Variants in EXT1 observed in about 807,000 individuals in gnomAD.
EXT1 encodes exostosin-1.
A neutral mutation model predicts 82.5 loss-of-function variants in EXT1; 20 were observed. That is an observed-to-expected ratio of 0.24 (90% confidence interval 0.17 to 0.35). EXT1 has a LOEUF of 0.35. Among genes scored for constraint, EXT1 ranks in the 10% least tolerant of loss-of-function variants. EXT1 has a pLI of 1.00. For synonymous variants in EXT1, 348 were observed against 350.8 expected, an observed-to-expected ratio of 0.99 and a Z score of 0.09; for missense variants, 757 against 936.5, an observed-to-expected ratio of 0.81 and a Z score of 2.50.
At chr8:118,062,289 A>G (rs1295404278) in intron 1 of EXT1, among the ~76,000 whole-genome samples, 1 of 152,226 alleles carries the variant, frequency 6.6e-6, no homozygotes, top group Non-Finnish European at 1.5e-5. Context: ...GAGGCCAAGT[A>G]AGTTTCAATC....
Position 117,980,694 on chromosome 8 carries a change from GGTGGTTTTTTTTT to G in EXT1, c.962+129378_962+129390del, listed in dbSNP as rs1476896928. Among the ~76,000 whole-genome samples the G allele has an allele frequency of 7.2e-4, 89 of 123,408 alleles. 3 individuals are homozygous for G. The highest frequency in any genetic ancestry group is 2.2e-3 in the African/African-American group (78 of 35,618). 81.0% of individuals were successfully genotyped at this position (123,408 alleles called of 152,430 possible). ...GGGAAGGTTTGTTTGTTCGGGTGTT[GGTGGTTTTTTTTT>G]TTTTTTTTTTTTTTTTTTTTTTTTC... On this transcript the variant is annotated intron_variant, in intron 1 of 10. Coordinates refer to ENST00000378204, the MANE Select transcript of EXT1 (RefSeq NM_000127.3).
In EXT1 at chr8:117,799,634, A is replaced by T. The variant is rs1823133427; in HGVS notation, c.*78T>A. The T allele has an allele frequency of 6.6e-7, 1 of 1,517,890 alleles. No individual in the cohort carries two copies. Among genetic ancestry groups the T allele is most frequent in the Non-Finnish European group, 9.1e-7 (1 of 1,093,490 alleles). 94.0% of individuals were successfully genotyped at this position (1,517,890 alleles called of 1,614,324 possible). A position where few individuals can be genotyped will look rare whatever the true frequency, so the allele number is the denominator to read the frequency against. ...TTGGCACAATCTGGCTCTGCTGATGAGTGGATCTGCACTGGGAAGAGAGAG... is the reference window on the plus strand; with the variant it reads ...TTGGCACAATCTGGCTCTGCTGATGTGTGGATCTGCACTGGGAAGAGAGAG... On this transcript the variant is annotated 3_prime_UTR_variant, in exon 11 of 11. Transcript: ENST00000378204.
chr8:117,953,500 G>A (rs748045322), intron 1 of EXT1, among the ~76,000 whole-genome samples: 2 of 151,340 alleles, frequency 1.3e-5, no homozygotes, highest in African/African-American at 2.4e-5. Flanking sequence ...CACCTATCTC[G>A]TATCTAATCT....
chr8:117,903,801 A>T (rs1179289463), intron 1 of EXT1, among the ~76,000 whole-genome samples: 3 of 152,222 alleles, frequency 2.0e-5, no homozygotes, highest in African/African-American at 7.2e-5. Flanking sequence ...CTGGGTTTGA[A>T]AAAACATGAG....
intron 1 of EXT1, among the ~76,000 whole-genome samples, chr8:117,902,305 C>T (rs973984209): frequency 3.3e-5 from 5 of 152,064 alleles, no homozygotes; most frequent in African/African-American, 1.2e-4. Flanking sequence ...AATAAAAAAA[C>T]TATAGTATAG....
At chr8:117,869,106 A>G (rs555568937) in intron 1 of EXT1, among the ~76,000 whole-genome samples, 1 of 152,102 alleles carries the variant, frequency 6.6e-6, no homozygotes, top group Admixed American at 6.5e-5. Flanking sequence ...ACAGGCCCCC[A>G]CCCAGTGTCT....
At chr8:118,098,691 G>A (rs552901600) in intron 1 of EXT1, among the ~76,000 whole-genome samples, 17 of 151,246 alleles carry the variant, frequency 1.1e-4, no homozygotes, top group South Asian at 6.3e-4. Context: ...CCCGGGAGGC[G>A]GAGCGTGCAG....
At position 118,032,115 on chromosome 8, in the gene EXT1, G is replaced by C. The variant is rs572931510; in HGVS notation, c.962+77970C>G. On this transcript the variant is annotated intron_variant, in intron 1 of 10. Coordinates refer to ENST00000378204, the MANE Select transcript of EXT1 (RefSeq NM_000127.3). ...TTGGTGCAAAAGTCATCGCGGTTTT[G>C]GCCATTACTCAATGGCCAAAACCGC... 4.4e-4 allele frequency among the ~76,000 whole-genome samples: 61 copies of C among 138,120 alleles called. 2 individuals are homozygous for C. In the East Asian group the frequency reaches 0.013, roughly 29 times the overall value. 90.6% of individuals were successfully genotyped at this position (138,120 alleles called of 152,430 possible). A position where few individuals can be genotyped will look rare whatever the true frequency, so the allele number is the denominator to read the frequency against.
intron 10 of EXT1, among the ~76,000 whole-genome samples, chr8:117,800,441 G>A (rs1823150373): frequency 6.6e-6 from 1 of 152,132 alleles, no homozygotes; most frequent in African/African-American, 2.4e-5. Context: ...TATAGTTGAA[G>A]AAGAACAAAA....
chr8:118,031,524 C>CAA (rs543531175), intron 1 of EXT1, among the ~76,000 whole-genome samples: 2 of 128,712 alleles, frequency 1.6e-5, no homozygotes, highest in African/African-American at 2.8e-5. Flanking sequence ...GGTTCCATCT[C>CAA]AAAAAAAAAA....
intron 1 of EXT1, among the ~76,000 whole-genome samples, chr8:118,049,262 C>T (rs1816679655): frequency 6.6e-6 from 1 of 152,190 alleles, no homozygotes; most frequent in Non-Finnish European, 1.5e-5. Flanking sequence ...ACCCACACTG[C>T]AATAATAAGC....
intron 4 of EXT1, among the ~76,000 whole-genome samples, chr8:117,829,561 A>T (rs560845972): frequency 3.4e-4 from 36 of 105,432 alleles, no homozygotes; most frequent in African/African-American, 8.0e-4. Flanking sequence ...GCCATTATAT[A>T]TATTTTTCTT....
At chr8:117,900,799 A>T (rs1280464531) in intron 1 of EXT1, among the ~76,000 whole-genome samples, 1 of 152,178 alleles carries the variant, frequency 6.6e-6, no homozygotes, top group Non-Finnish European at 1.5e-5. Context: ...GACTAAGGGT[A>T]AAAAAAGGCT....
intron 1 of EXT1, among the ~76,000 whole-genome samples, chr8:117,891,910 G>A (rs1213146103): frequency 2.0e-5 from 3 of 149,834 alleles, no homozygotes; most frequent in Non-Finnish European, 3.0e-5. Context: ...GGGTTCAAGC[G>A]ATTCTCCTGC....
At chr8:117,823,887 T>G (rs181791633) in intron 4 of EXT1, among the ~76,000 whole-genome samples, 15 of 152,316 alleles carry the variant, frequency 9.8e-5, no homozygotes, top group Non-Finnish European at 1.9e-4. Flanking sequence ...AGGAACCTAG[T>G]GAAAATATTT....
At chr8:118,081,706 C>T (rs1406071499) in intron 1 of EXT1, among the ~76,000 whole-genome samples, 1 of 152,314 alleles carries the variant, frequency 6.6e-6, no homozygotes, top group African/African-American at 2.4e-5. Flanking sequence ...GAAATTGCCA[C>T]TGTCATTTAA....
chr8:117,850,822 T>A (rs11781699), intron 1 of EXT1, among the ~76,000 whole-genome samples: 11 of 152,166 alleles, frequency 7.2e-5, no homozygotes, highest in Non-Finnish European at 1.2e-4. Context: ...TAACAGTGAC[T>A]CAGGCAGCCT....
chr8:117,927,588 C>T (rs1429852436), intron 1 of EXT1, among the ~76,000 whole-genome samples: 4 of 100,482 alleles, frequency 4.0e-5, no homozygotes, highest in African/African-American at 5.4e-5. Flanking sequence ...CACAGGGGTA[C>T]TGTCACTTAA....
chr8:117,841,465 T>A (rs544877489), intron 1 of EXT1, among the ~76,000 whole-genome samples: 1 of 152,284 alleles, frequency 6.6e-6, no homozygotes, highest in South Asian at 2.1e-4. Flanking sequence ...TAAGATGGAC[T>A]AATTCTCCCT....
Sources: allele counts gnomAD v4.1 joint callset (sites outside exome capture counted in the v4.1 genomes callset), GRCh38; gene constraint gnomAD v4.1.1; transcripts MANE v1.5; gene names NCBI Gene and HGNC (gene_info 2026-07-23, HGNC 2026-07-21).